KIAA0586: variants seen among roughly 807,000 people sequenced by gnomAD.
The protein encoded by KIAA0586 is KIAA0586.
Under a neutral mutation model 169.8 loss-of-function variants are expected in KIAA0586, and 144 were observed. That is an observed-to-expected ratio of 0.85 (90% confidence interval 0.74 to 0.97). The LOEUF is 0.97. Ranked by LOEUF, KIAA0586 falls within the 50% of genes least tolerant of loss-of-function variation. The pLI is 0.00. For synonymous variants in KIAA0586, 625 were observed against 612.4 expected, an observed-to-expected ratio of 1.02 and a Z score of -0.30; for missense variants, 1,854 against 1,823.0, an observed-to-expected ratio of 1.02 and a Z score of -0.31.
rs1188032537 is a variant in KIAA0586 at position 58,442,706 on chromosome 14, A to G, written c.411A>G (p.Lys137=). The change falls in exon 5 of 31, where the codon AAA becomes AAG. Residue 137 remains lysine, a splice_region_variant and synonymous_variant. Transcript: ENST00000652326. ...ATTTTTATTGCTTTTTTATTTATAG[A>G]GCTCAAAGCATGCCTGTTTTTAAGG... The part of the protein sequence containing the change: ...KDALRTVLKQ[K]AQSMPVFKEV... 2 of 1,542,534 alleles carry G rather than the reference A, an allele frequency of 1.3e-6. No individual in the cohort carries two copies. Among genetic ancestry groups the G allele is most frequent in the Non-Finnish European group, 1.7e-6 (2 of 1,143,410 alleles).
chr14:58,546,300 A>G (rs10151824), intron 30 of KIAA0586, among the ~76,000 whole-genome samples: 105,484 of 152,022 alleles, frequency 0.69, 38,155 homozygotes, highest in African/African-American at 0.92. Flanking sequence ...AATAGTCTTT[A>G]TTAAATTTCC....
chr14:58,508,375 C>T lies in KIAA0586; in HGVS notation c.4169-180C>T, dbSNP rs142489427. Among the ~76,000 whole-genome samples the T allele has an allele frequency of 8.5e-3, 1,290 of 152,224 alleles. 14 individuals carry two copies. Among genetic ancestry groups the T allele is most frequent in the Non-Finnish European group, 0.013 (868 of 68,024 alleles). On this transcript the variant is annotated intron_variant, in intron 27 of 30. Transcript: ENST00000652326. The stretch of plus-strand genomic sequence containing the variant: ...TTTGAACATAGGTACTTTTTGCATT[C>T]TCTCTGAGTTTTGGTTTTAATTGCA...
intron 13 of KIAA0586, 30 bp downstream of exon 13, chr14:58,460,100 ATTG>A (rs1299674124): frequency 8.0e-7 from 1 of 1,246,468 alleles, no homozygotes; most frequent in Non-Finnish European, 1.1e-6. Context: ...TTTTAACATA[ATTG>A]TTGTGTTATA....
At chr14:58,486,878 A>G (rs1210864459) in intron 21 of KIAA0586, 129 bp from the exon 22 acceptor site, 33 of 606,514 alleles carry the variant, frequency 5.4e-5, no homozygotes, top group Non-Finnish European at 7.3e-5. Flanking sequence ...GTAGAGGTTC[A>G]AGAGGTAGGG....
At chr14:58,508,165 T>C (rs753178251) in intron 27 of KIAA0586, among the ~76,000 whole-genome samples, 2 of 152,194 alleles carry the variant, frequency 1.3e-5, no homozygotes, top group Non-Finnish European at 2.9e-5. Context: ...AATACCAACA[T>C]TTTCCAGGCA....
chr14:58,547,970 G>A lies in KIAA0586; in HGVS notation c.*38G>A. 6.2e-7 allele frequency: 1 copy of A among 1,600,428 alleles called. No individual in the cohort carries two copies. The highest frequency in any genetic ancestry group is 2.3e-5 in the East Asian group (1 of 44,230). On this transcript the variant is annotated 3_prime_UTR_variant, in exon 31 of 31. Coordinates refer to ENST00000652326, the MANE Select transcript of KIAA0586 (RefSeq NM_001329943.3). ...AGCCAGCACAGTGTTTATGCCACTG[G>A]TTTTAAAGTCATTTTACCTTGGCTT...
rs1402986219 is a variant in KIAA0586 at position 58,461,045 on chromosome 14, A to G, written c.1944A>G (p.Gly648=). 6.2e-7 allele frequency: 1 copy of G among 1,612,426 alleles called. No homozygotes were observed. The highest frequency in any genetic ancestry group is 1.3e-5 in the African/African-American group (1 of 74,852). ...AAGATTATATGTTACAAGTCTATGGAAAGCCAGTTTATCAGGGCCATCGAA... is the reference window on the plus strand; with the variant it reads ...AAGATTATATGTTACAAGTCTATGGGAAGCCAGTTTATCAGGGCCATCGAA... ...QDEDYMLQVY[G]KPVYQGHRST... is the part of the protein sequence containing the mutation. Residue 648 remains glycine, a synonymous_variant, in exon 14 of 31, where the codon GGA becomes GGG. Coordinates refer to ENST00000652326, the MANE Select transcript of KIAA0586 (RefSeq NM_001329943.3).
chr14:58,559,287 C>A, the KIAA0586 span, among the ~76,000 whole-genome samples: 1 of 152,198 alleles, frequency 6.6e-6, no homozygotes, highest in Non-Finnish European at 1.5e-5. Context: ...TTTTTCTGCT[C>A]AATTTTTAGC....
chr14:58,552,896 T>C (rs113228589), downstream of KIAA0586, among the ~76,000 whole-genome samples: 208 of 152,350 alleles, frequency 1.4e-3, 1 homozygote, highest in Non-Finnish European at 2.6e-3. Flanking sequence ...TGGCATCTTG[T>C]ATCCTATTTT....
chr14:58,539,628 A>G (rs1214271326), intron 29 of KIAA0586, among the ~76,000 whole-genome samples: 3 of 152,046 alleles, frequency 2.0e-5, no homozygotes, highest in Non-Finnish European at 4.4e-5. Flanking sequence ...TGCCAGCTTT[A>G]TGGGTTGTTT....
At chr14:58,503,986 A>G (rs1566911328) in intron 27 of KIAA0586, among the ~76,000 whole-genome samples, 1 of 152,126 alleles carries the variant, frequency 6.6e-6, no homozygotes. Context: ...GGAAATAATA[A>G]CAGTCTTACT....
intron 28 of KIAA0586, 113 bp from the exon 29 acceptor site, chr14:58,512,409 C>A: frequency 3.4e-6 from 2 of 582,124 alleles, no homozygotes; most frequent in South Asian, 2.8e-5. Flanking sequence ...TAAAAAGCAA[C>A]TAGAAAGCAA....
At chr14:58,537,028 A>G (rs1459805043) in intron 29 of KIAA0586, 2 of 1,276,724 alleles carry the variant, frequency 1.6e-6, no homozygotes, top group African/African-American at 1.5e-5. Context: ...AGGATAAAGA[A>G]TTGTAAGAAC....
chr14:58,451,874 G>A (rs1187887999), intron 8 of KIAA0586, among the ~76,000 whole-genome samples: 13 of 152,034 alleles, frequency 8.6e-5, no homozygotes, highest in Admixed American at 2.0e-4. Flanking sequence ...TAGTAGAGAC[G>A]GGGTTTCACC....
chr14:58,535,608 A>G (rs1217985392), intron 29 of KIAA0586, among the ~76,000 whole-genome samples: 24 of 152,150 alleles, frequency 1.6e-4, no homozygotes, highest in Admixed American at 1.6e-3. Flanking sequence ...ACTAGAGCCA[A>G]TGAGTAACTT....
rs374179342 is a variant in KIAA0586 at position 58,482,477 on chromosome 14, T to C, written c.2945-36T>C. 7 of 1,362,658 alleles carry C rather than the reference T, an allele frequency of 5.1e-6. No homozygotes were observed. The African/African-American group carries it at 1.0e-4, about 20-fold the overall frequency. 84.4% of individuals were successfully genotyped at this position (1,362,658 alleles called of 1,614,324 possible). A position where few individuals can be genotyped will look rare whatever the true frequency, so the allele number is the denominator to read the frequency against. ...AAGTTTGAATTGCAAGCATGTTTCT[T>C]GCCCACTTATTCTGATTTTTTTTTT... On this transcript the variant is annotated intron_variant, in intron 20 of 30. Coordinates refer to ENST00000652326, the MANE Select transcript of KIAA0586 (RefSeq NM_001329943.3).
At position 58,427,738 on chromosome 14, in the gene KIAA0586, C is replaced by G. The variant is rs758022351; in HGVS notation, c.-527C>G. The G allele has an allele frequency of 1.4e-5, 22 of 1,533,912 alleles. No homozygotes were observed. Among genetic ancestry groups the G allele is most frequent in the Non-Finnish European group, 1.8e-5 (21 of 1,146,492 alleles). On this transcript the variant is annotated 5_prime_UTR_variant, in exon 1 of 31. Coordinates refer to ENST00000652326, the MANE Select transcript of KIAA0586 (RefSeq NM_001329943.3). Reference sequence around the variant, plus strand: ...ACTGACGCTGTTGTCAGATTACACCCACGACGGTGCGGGTCTCGGGCGTTC... The same window carrying G: ...ACTGACGCTGTTGTCAGATTACACCGACGACGGTGCGGGTCTCGGGCGTTC...
Position 58,453,223 on chromosome 14 carries a change from G to C in KIAA0586, c.1130-127G>C, listed in dbSNP as rs7158707. 0.015 allele frequency: 7,614 copies of C among 496,224 alleles called. 476 individuals are homozygous for C. The highest frequency in any genetic ancestry group is 0.14 in the African/African-American group (6,746 of 47,890). The allele number at this position is 496,224 out of a possible 1,614,324, so 30.7% of individuals were successfully genotyped here. A position where few individuals can be genotyped will look rare whatever the true frequency, so the allele number is the denominator to read the frequency against. On this transcript the variant is annotated intron_variant, in intron 8 of 30. Coordinates refer to ENST00000652326, the MANE Select transcript of KIAA0586 (RefSeq NM_001329943.3). ...CATGAGCCACTGCGCCTGGCTTTTA[G>C]GCTATAAATTGAGTAGATAATCATC...
chr14:58,516,733 A>G (rs1199464093), intron 29 of KIAA0586, among the ~76,000 whole-genome samples: 1 of 152,212 alleles, frequency 6.6e-6, no homozygotes, highest in Non-Finnish European at 1.5e-5. Flanking sequence ...AGATTATACT[A>G]TATAACTCTA....
Sources: allele counts gnomAD v4.1 joint callset (sites outside exome capture counted in the v4.1 genomes callset), GRCh38; gene constraint gnomAD v4.1.1; transcripts MANE v1.5; gene names NCBI Gene and HGNC (gene_info 2026-07-23, HGNC 2026-07-21).